PSD3: variants seen among roughly 807,000 people sequenced by gnomAD.
The protein encoded by PSD3 is PH and SEC7 domain-containing protein 3.
A neutral mutation model predicts 105.5 loss-of-function variants in PSD3; 49 were observed. The observed-to-expected ratio is 0.46, with a 90% CI of 0.37 to 0.59. The LOEUF is 0.59. Ranked by LOEUF, PSD3 falls within the 20% of genes least tolerant of loss-of-function variation. The pLI is 0.00. For missense variants in PSD3, 1,561 were observed against 1,263.8 expected (o/e 1.24, Z -3.57); for synonymous variants, 557 against 457.8 (o/e 1.22, Z -2.77).
At chr8:18,755,256 CCT>C (rs1309923027) in intron 9 of PSD3, among the ~76,000 whole-genome samples, 1 of 151,918 alleles carries the variant, frequency 6.6e-6, no homozygotes, top group Non-Finnish European at 1.5e-5. Flanking sequence ...TGGTGAAACC[CCT>C]GTCCCTACTA....
intron 9 of PSD3, among the ~76,000 whole-genome samples, chr8:18,751,591 C>G (rs1290327806): frequency 6.7e-6 from 1 of 149,632 alleles, no homozygotes; most frequent in Admixed American, 6.7e-5. Context: ...CCACTAGTCA[C>G]TAGCAACACT....
intron 9 of PSD3, among the ~76,000 whole-genome samples, chr8:18,751,064 T>A (rs1170090594): frequency 1.3e-5 from 2 of 152,088 alleles, no homozygotes; most frequent in East Asian, 3.9e-4. Flanking sequence ...CCTTGGGCAG[T>A]TGATGGACCT....
intron 4 of PSD3, among the ~76,000 whole-genome samples, chr8:18,843,332 CAA>C (rs371463032): frequency 1.1e-4 from 13 of 118,556 alleles, no homozygotes; most frequent in Middle Eastern, 4.8e-3. Flanking sequence ...GACTCCGTCT[CAA>C]AAAAAAAAAA....
intron 11 of PSD3, among the ~76,000 whole-genome samples, chr8:18,620,531 G>A (rs1385633312): frequency 1.3e-5 from 2 of 151,864 alleles, no homozygotes; most frequent in Admixed American, 1.3e-4. Flanking sequence ...GCAACATGGT[G>A]CAACCCTATC....
chr8:19,042,357 T>G (rs891388031), intron 1 of PSD3, among the ~76,000 whole-genome samples: 2 of 151,970 alleles, frequency 1.3e-5, no homozygotes, highest in Admixed American at 6.6e-5. Flanking sequence ...TGAGGATAAG[T>G]CCCCAACATG....
intron 15 of PSD3, among the ~76,000 whole-genome samples, chr8:18,542,245 A>C (rs935953742): frequency 1.3e-5 from 2 of 152,198 alleles, no homozygotes; most frequent in Non-Finnish European, 2.9e-5. Context: ...AGCATACATT[A>C]AAAAGATAAG....
intron 11 of PSD3, among the ~76,000 whole-genome samples, chr8:18,613,245 T>G (rs1443347268): frequency 6.6e-6 from 1 of 152,062 alleles, no homozygotes; most frequent in Non-Finnish European, 1.5e-5. Flanking sequence ...CCGGTCCGGA[T>G]GAAGCCCACC....
intron 1 of PSD3, among the ~76,000 whole-genome samples, chr8:19,022,005 G>C (rs1234737388): frequency 6.6e-6 from 1 of 152,228 alleles, no homozygotes; most frequent in Non-Finnish European, 1.5e-5. Context: ...ACCAACATCT[G>C]CTCAGCTTCT....
At chr8:18,925,226 A>G (rs988600167) in intron 2 of PSD3, among the ~76,000 whole-genome samples, 1 of 152,128 alleles carries the variant, frequency 6.6e-6, no homozygotes, top group African/African-American at 2.4e-5. Flanking sequence ...ATCTCTACAA[A>G]ACATTTAAAA....
intron 9 of PSD3, among the ~76,000 whole-genome samples, chr8:18,703,313 A>T (rs1801698999): frequency 6.6e-6 from 1 of 152,186 alleles, no homozygotes; most frequent in African/African-American, 2.4e-5. Context: ...GCCACTGATG[A>T]ACCAATGTCT....
At chr8:19,023,389 G>C (rs1253552933) in intron 1 of PSD3, among the ~76,000 whole-genome samples, 1 of 143,170 alleles carries the variant, frequency 7.0e-6, no homozygotes, top group Non-Finnish European at 1.5e-5. Context: ...ACTGAATATA[G>C]CCACTATTTA....
chr8:18,646,541 T>C (rs1281984134), intron 10 of PSD3, among the ~76,000 whole-genome samples: 1 of 152,146 alleles, frequency 6.6e-6, no homozygotes, highest in African/African-American at 2.4e-5. Flanking sequence ...GGATTCCAAC[T>C]TTTCTTCATG....
At chr8:18,851,525 T>C (rs1352511726) in intron 4 of PSD3, among the ~76,000 whole-genome samples, 2 of 152,250 alleles carry the variant, frequency 1.3e-5, no homozygotes, top group Non-Finnish European at 2.9e-5. Flanking sequence ...AGGCAAGCTC[T>C]TCGCTCTCCT....
At position 18,800,063 on chromosome 8, in the gene PSD3, A is replaced by G. The variant is rs1450164723; in HGVS notation, c.2024-710T>C. On this transcript the variant is annotated intron_variant, in intron 7 of 15. Transcript: ENST00000327040. ...TGGCTAAAAGTATATTTATTCTAGTACCACTTTATTATCACAAGTTCTACA... is the reference window on the plus strand; with the variant it reads ...TGGCTAAAAGTATATTTATTCTAGTGCCACTTTATTATCACAAGTTCTACA... Among the ~76,000 whole-genome samples, 43 of 152,190 alleles carry G rather than the reference A, an allele frequency of 2.8e-4. 1 individual carries two copies. Among genetic ancestry groups the G allele is most frequent in the Admixed American group, 2.8e-3 (43 of 15,274 alleles).
intron 1 of PSD3, among the ~76,000 whole-genome samples, chr8:18,977,062 C>T (rs1824980571): frequency 6.6e-6 from 1 of 151,884 alleles, no homozygotes; most frequent in South Asian, 2.1e-4. Flanking sequence ...GAGTTGGAGA[C>T]CAGGCTGGCC....
intron 8 of PSD3, among the ~76,000 whole-genome samples, chr8:18,768,322 A>T (rs1807205786): frequency 6.6e-6 from 1 of 151,850 alleles, no homozygotes; most frequent in South Asian, 2.1e-4. Flanking sequence ...AATATAAAGG[A>T]GGCCAGGCAT....
chr8:19,003,252 T>A (rs2129474577), intron 1 of PSD3, among the ~76,000 whole-genome samples: 1 of 152,076 alleles, frequency 6.6e-6, no homozygotes, highest in East Asian at 1.9e-4. Flanking sequence ...ACCCCTGTAG[T>A]TCCAGCTATT....
intron 1 of PSD3, among the ~76,000 whole-genome samples, chr8:18,984,089 C>T (rs1284042042): frequency 1.3e-5 from 2 of 149,468 alleles, no homozygotes; most frequent in South Asian, 2.1e-4. Context: ...TTTAAAATAT[C>T]GCAAGAATTA....
chr8:18,848,472 G>C (rs767636679), intron 4 of PSD3, among the ~76,000 whole-genome samples: 1 of 152,184 alleles, frequency 6.6e-6, no homozygotes, highest in African/African-American at 2.4e-5. Flanking sequence ...AAGAGATACT[G>C]CTGACTCAGG....
Sources: gnomAD v4.1 joint callset for allele counts (sites outside exome capture counted in the v4.1 genomes callset) on GRCh38, gnomAD v4.1.1 for gene constraint, MANE v1.5 for transcripts, NCBI Gene and HGNC (gene_info 2026-07-23, HGNC 2026-07-21) for gene names.